LPAR1: variants seen among roughly 807,000 people sequenced by gnomAD.
LPAR1 encodes the protein LPA receptor 1.
In LPAR1, 5 loss-of-function variants were observed where a neutral mutation model predicts 23.8. The ratio of observed to expected loss-of-function variants is 0.21; its 90% CI spans 0.11 to 0.44. The LOEUF (loss-of-function observed/expected upper bound fraction) is 0.44. LPAR1 is among the 20% of genes least tolerant of loss of function. The pLI is 0.99. For synonymous variants in LPAR1, 160 were observed against 164.7 expected (o/e 0.97, Z 0.22); for missense variants, 311 against 482.8 (o/e 0.64, Z 3.33).
intron 5 of LPAR1, among the ~76,000 whole-genome samples, chr9:110,892,667 A>AAG (rs139921259): frequency 0.037 from 5,423 of 144,976 alleles, 199 homozygotes; most frequent in African/African-American, 0.082. Flanking sequence ...GAAAGAAAGA[A>AAG]AGAGAGAGAG....
At chr9:110,990,069 C>T (rs1330712421) in intron 2 of LPAR1, among the ~76,000 whole-genome samples, 1 of 151,914 alleles carries the variant, frequency 6.6e-6, no homozygotes, top group South Asian at 2.1e-4. Context: ...CATAACAATC[C>T]TAAAAGTGTA....
chr9:110,941,122 G>A lies in LPAR1; in HGVS notation c.793+299C>T, dbSNP rs577409881. On this transcript the variant is annotated intron_variant, in intron 5 of 5. Transcript: ENST00000683809. The surrounding 1 kb of genome is among the most constrained non-coding windows in gnomAD (Gnocchi z 6.1). The stretch of plus-strand genomic sequence containing the variant: ...AATTTAGGCTGTAAGAAAAATGAAT[G>A]AGTTTGACTGGTAATTCTGGTATTT... 3.8e-4 allele frequency among the ~76,000 whole-genome samples: 58 copies of A among 152,274 alleles called. No individual in the cohort carries two copies. Among genetic ancestry groups the A allele is most frequent in the Admixed American group, 1.4e-3 (22 of 15,292 alleles).
chr9:110,874,530 A>T lies in LPAR1; in HGVS notation c.*891T>A, dbSNP rs1277305701. On this transcript the variant is annotated 3_prime_UTR_variant, in exon 6 of 6. Coordinates refer to ENST00000683809, the MANE Select transcript of LPAR1 (RefSeq NM_001351411.2). ...CATTTCTGCATTTTTCAAGTTTTCT[A>T]TGATGAGTATATTATTTTACAAAGA... The T allele has an allele frequency of 3.9e-5, 6 of 152,612 alleles. No homozygotes were observed. The highest frequency in any genetic ancestry group is 3.9e-4 in the Admixed American group (6 of 15,266). The allele number at this position is 152,612 out of a possible 1,614,324, so 9.5% of individuals were successfully genotyped here.
intron 2 of LPAR1, among the ~76,000 whole-genome samples, chr9:110,989,445 A>T (rs1281047874): frequency 3.3e-5 from 5 of 152,234 alleles, no homozygotes; most frequent in Admixed American, 3.3e-4. Context: ...AATGAAAATA[A>T]CAATAGAGTT....
intron 5 of LPAR1, among the ~76,000 whole-genome samples, chr9:110,886,769 T>C (rs2082535922): frequency 6.6e-6 from 1 of 152,152 alleles, no homozygotes; most frequent in African/African-American, 2.4e-5. Flanking sequence ...AAGTGATAAA[T>C]TGCAAAAGTT....
At chr9:110,900,374 A>G (rs979377382) in intron 5 of LPAR1, among the ~76,000 whole-genome samples, 3 of 152,192 alleles carry the variant, frequency 2.0e-5, no homozygotes, top group Non-Finnish European at 4.4e-5. Flanking sequence ...TGTTCCAGGG[A>G]TAAGGATGTG....
intron 5 of LPAR1, among the ~76,000 whole-genome samples, chr9:110,923,005 A>G (rs1435542492): frequency 2.0e-5 from 3 of 151,734 alleles, no homozygotes; most frequent in African/African-American, 4.8e-5. Context: ...CCAACCCCCA[A>G]CAGGCCCCAG....
chr9:110,989,707 G>T (rs1286587890), intron 2 of LPAR1, among the ~76,000 whole-genome samples: 1 of 152,002 alleles, frequency 6.6e-6, no homozygotes, highest in African/African-American at 2.4e-5. Context: ...ATAGACAAAA[G>T]CAAGATGATA....
chr9:110,880,336 A>G (rs1312400844), intron 5 of LPAR1, among the ~76,000 whole-genome samples: 2 of 152,148 alleles, frequency 1.3e-5, no homozygotes, highest in Non-Finnish European at 2.9e-5. Context: ...GCAGATCGAG[A>G]TCATATTACC....
intron 5 of LPAR1, among the ~76,000 whole-genome samples, chr9:110,907,483 T>C (rs1384149901): frequency 6.6e-6 from 1 of 152,152 alleles, no homozygotes; most frequent in African/African-American, 2.4e-5. Context: ...AAAGGGAGCA[T>C]AATCAGACTG....
rs73655684 is a variant in LPAR1, at chr9:110,929,868, A to C, written c.793+11553T>G. Among the ~76,000 whole-genome samples the C allele has an allele frequency of 6.4e-3, 979 of 152,284 alleles. 13 individuals are homozygous for C. The highest frequency in any genetic ancestry group is 0.022 in the African/African-American group (911 of 41,560). ...TTTTATTGGCTAAATTCGGCAATTCATATGTGTGCCTCCTATGTTCATTCT... is the reference window on the plus strand; with the variant it reads ...TTTTATTGGCTAAATTCGGCAATTCCTATGTGTGCCTCCTATGTTCATTCT... On this transcript the variant is annotated intron_variant, in intron 5 of 5. Coordinates refer to ENST00000683809, the MANE Select transcript of LPAR1 (RefSeq NM_001351411.2).
intron 5 of LPAR1, among the ~76,000 whole-genome samples, chr9:110,905,539 G>C (rs2134072038): frequency 6.6e-6 from 1 of 151,996 alleles, no homozygotes; most frequent in African/African-American, 2.4e-5. Context: ...ATTTTTAGTA[G>C]AGATGGGGTT....
intron 2 of LPAR1, among the ~76,000 whole-genome samples, chr9:110,991,490 T>C (rs1121570): frequency 0.38 from 57,077 of 152,030 alleles, 11,394 homozygotes; most frequent in Non-Finnish European, 0.43. Flanking sequence ...ACCCAAACTT[T>C]GATGTGATTT....
chr9:111,024,569 T>C (rs917828616), intron 2 of LPAR1, among the ~76,000 whole-genome samples: 1 of 113,906 alleles, frequency 8.8e-6, no homozygotes, highest in African/African-American at 3.2e-5. Context: ...CACATATATA[T>C]ACACACACAC....
chr9:110,873,410 A>T lies in LPAR1; in HGVS notation c.*2011T>A, dbSNP rs1054568274. 2.6e-5 allele frequency: 4 copies of T among 152,220 alleles called. No individual in the cohort carries two copies. The highest frequency in any genetic ancestry group is 9.6e-5 in the African/African-American group (4 of 41,460). 9.4% of individuals were successfully genotyped at this position (152,220 alleles called of 1,614,324 possible). A position where few individuals can be genotyped will look rare whatever the true frequency, so the allele number is the denominator to read the frequency against. On this transcript the variant is annotated 3_prime_UTR_variant, in exon 6 of 6. Coordinates refer to ENST00000683809, the MANE Select transcript of LPAR1 (RefSeq NM_001351411.2). ...AAGTATTCTGTATTTTGTATAAAGT[A>T]CGTGCAAACACCTTTCTGCTAATCG...
chr9:110,973,286 C>T (rs2096477994), intron 3 of LPAR1, among the ~76,000 whole-genome samples, 195 bp downstream of exon 3: 1 of 152,130 alleles, frequency 6.6e-6, no homozygotes, highest in Non-Finnish European at 1.5e-5. Flanking sequence ...CCAACCCCAC[C>T]TATTTGCAGA....
At chr9:110,895,672 G>T (rs1269765615) in intron 5 of LPAR1, among the ~76,000 whole-genome samples, 1 of 152,164 alleles carries the variant, frequency 6.6e-6, no homozygotes, top group East Asian at 1.9e-4. Context: ...GCACTGACTG[G>T]GGGGTGTTCG....
chr9:110,984,683 C>T (rs2096743544), intron 2 of LPAR1, among the ~76,000 whole-genome samples: 1 of 150,406 alleles, frequency 6.6e-6, no homozygotes, highest in Admixed American at 6.7e-5. Context: ...ACTCATATGA[C>T]AAATCAAAAT....
chr9:110,989,302 G>C (rs912199662), intron 2 of LPAR1, among the ~76,000 whole-genome samples: 1 of 152,148 alleles, frequency 6.6e-6, no homozygotes, highest in Non-Finnish European at 1.5e-5. Flanking sequence ...TCCTGTCTCT[G>C]CCTCCTGAAT....
Sources: gnomAD v4.1 joint callset for allele counts (sites outside exome capture counted in the v4.1 genomes callset) on GRCh38, gnomAD v4.1.1 for gene constraint, Gnocchi (gnomAD v3.1) non-coding constraint, MANE v1.5 for transcripts, NCBI Gene and HGNC (gene_info 2026-07-23, HGNC 2026-07-21) for gene names.